The following PIWIL4 variants were observed in gnomAD, a reference collection of about 807,000 sequenced individuals.
The protein encoded by PIWIL4 is piwi like RNA-mediated gene silencing 4, also known as piwi-like protein 4.
In PIWIL4, 50 loss-of-function variants were observed where a neutral mutation model predicts 100.9. The ratio of observed to expected loss-of-function variants is 0.50; its 90% confidence interval spans 0.39 to 0.63. The LOEUF is 0.63. Among genes scored for constraint, PIWIL4 ranks in the 20% least tolerant of loss-of-function variants. The pLI, the probability that PIWIL4 is intolerant of heterozygous loss-of-function variation, is 0.00. For synonymous variants in PIWIL4, 342 were observed against 367.5 expected, an observed-to-expected ratio of 0.93 and a Z score of 0.79; for missense variants, 887 against 1,043.3, an observed-to-expected ratio of 0.85 and a Z score of 2.06.
intron 5 of PIWIL4, among the ~76,000 whole-genome samples, chr11:94,585,210 G>T (rs1380380856): frequency 6.6e-6 from 1 of 152,182 alleles, no homozygotes; most frequent in East Asian, 1.9e-4. Flanking sequence ...TGTCACTGCA[G>T]CTAAACCCAG....
intron 1 of PIWIL4, among the ~76,000 whole-genome samples, chr11:94,568,020 T>TA (rs1379428748): frequency 1.3e-5 from 2 of 151,994 alleles, no homozygotes; most frequent in Non-Finnish European, 2.9e-5. Context: ...ATTAAACTAC[T>TA]GTTTCTTGAG....
chr11:94,595,323 G>A lies in PIWIL4; in HGVS notation c.1165G>A (p.Ala389Thr), dbSNP rs1948541695. The A allele has an allele frequency of 6.2e-7, 1 of 1,613,678 alleles. No homozygotes were observed. Among genetic ancestry groups the A allele is most frequent in the African/African-American group, 1.3e-5 (1 of 75,026 alleles). ...LCFLTGLTDQ[A>T]TSDFQLMKAV... is the part of the protein sequence containing the mutation. ...GCATTTAATAGGGCTGACTGACCAG[G>A]CAACATCTGATTTCCAGCTGATGAA... is the stretch of plus-strand genomic sequence containing the variant. Residue 389 changes from alanine (A) to threonine (T), a missense_variant, in exon 10 of 20, where the codon GCA (alanine) becomes ACA (threonine). By Grantham distance (58) the Ala-to-Thr change is moderately conservative (BLOSUM62 0). This residue lies in a region of PIWIL4 where 741 missense variants were observed against 930.0 expected (regional missense o/e 0.80). Transcript: ENST00000299001.
chr11:94,608,525 CATTGGT>C (rs2135294087), intron 14 of PIWIL4, 52 bp from the exon 15 acceptor site: 1 of 1,450,430 alleles, frequency 6.9e-7, no homozygotes, highest in South Asian at 1.2e-5. Flanking sequence ...CCTATTAAAC[CATTGGT>C]AGGGGAAATG....
intron 1 of PIWIL4, among the ~76,000 whole-genome samples, chr11:94,568,324 C>A (rs1375831967): frequency 6.6e-6 from 1 of 152,024 alleles, no homozygotes; most frequent in African/African-American, 2.4e-5. Context: ...CCTGTTTTGG[C>A]CCTGTTTATT....
intron 4 of PIWIL4, 137 bp from the exon 5 acceptor site, chr11:94,583,311 G>A: frequency 3.2e-6 from 3 of 935,842 alleles, no homozygotes; most frequent in South Asian, 3.4e-5. Context: ...ATAATGTGAT[G>A]ATTAGATTAT....
intron 2 of PIWIL4, among the ~76,000 whole-genome samples, chr11:94,571,079 C>T (rs1948145188): frequency 6.6e-6 from 1 of 152,182 alleles, no homozygotes; most frequent in Non-Finnish European, 1.5e-5. Flanking sequence ...TGCTGTTCCT[C>T]ACTGGGAGTT....
chr11:94,577,883 T>C (rs1469017075), intron 4 of PIWIL4, among the ~76,000 whole-genome samples: 2 of 152,216 alleles, frequency 1.3e-5, no homozygotes, highest in Non-Finnish European at 2.9e-5. Flanking sequence ...TGATTTCCCA[T>C]TGAAACTTTT....
Position 94,621,081 on chromosome 11 carries a change from C to A in PIWIL4, c.*89C>A. On this transcript the variant is annotated 3_prime_UTR_variant, in exon 20 of 20. Transcript: ENST00000299001. ...ATCTGCCATAAGCTCAAGGCTGTGA[C>A]TGGGGAAAAAGATTGAGCTTAGTTT... The A allele has an allele frequency of 4.6e-6, 4 of 865,900 alleles. No homozygotes were observed. Among genetic ancestry groups the A allele is most frequent in the Non-Finnish European group, 7.2e-6 (4 of 551,888 alleles). The allele number at this position is 865,900 out of a possible 1,614,324, so 53.6% of individuals were successfully genotyped here.
chr11:94,569,328 G>T (rs940325931), intron 2 of PIWIL4, among the ~76,000 whole-genome samples: 2 of 151,842 alleles, frequency 1.3e-5, no homozygotes, highest in South Asian at 2.1e-4. Flanking sequence ...AGCATGTCTT[G>T]TAGCAACATG....
At chr11:94,593,451 A>ATT in intron 8 of PIWIL4, 67 bp from the exon 9 acceptor site, 2 of 1,504,500 alleles carry the variant, frequency 1.3e-6, no homozygotes, top group Non-Finnish European at 1.8e-6. Flanking sequence ...ACCTTGTTGA[A>ATT]TGTAAGGATG....
chr11:94,621,279 A>C lies in PIWIL4; in HGVS notation c.*287A>C. 1 of 306,276 alleles carries C rather than the reference A, an allele frequency of 3.3e-6. No individual in the cohort carries two copies. The highest frequency in any genetic ancestry group is 4.7e-5 in the Admixed American group (1 of 21,396). The allele number at this position is 306,276 out of a possible 1,614,324, so 19.0% of individuals were successfully genotyped here. A position where few individuals can be genotyped will look rare whatever the true frequency, so the allele number is the denominator to read the frequency against. On this transcript the variant is annotated 3_prime_UTR_variant, in exon 20 of 20. Transcript: ENST00000299001. ...CAGAGTTAAATATCTTAAGTTAAAC[A>C]CTTAAAATAAGTGTTTGCGTGATAT...
intron 12 of PIWIL4, 45 bp from the exon 13 acceptor site, chr11:94,603,939 C>G: frequency 1.6e-6 from 2 of 1,261,704 alleles, no homozygotes. Context: ...GTATGTGCTA[C>G]TAAGAAGGAA....
At chr11:94,590,236 T>C (rs1024779393) in intron 8 of PIWIL4, among the ~76,000 whole-genome samples, 6 of 152,188 alleles carry the variant, frequency 3.9e-5, no homozygotes, top group Non-Finnish European at 1.5e-5. Context: ...GCTTTAGAAG[T>C]AGTTCTAGAA....
chr11:94,608,588 G>A lies in PIWIL4; in HGVS notation c.1845G>A (p.Lys615=), dbSNP rs753717296. 5.6e-6 allele frequency: 9 copies of A among 1,613,414 alleles called. No homozygotes were observed. In the South Asian group the frequency reaches 6.6e-5, roughly 12 times the overall value. Residue 615 remains lysine, a synonymous_variant, in exon 15 of 20, where the codon AAG becomes AAA. Transcript: ENST00000299001. ...TGACAAATTTAATTTTATAGTTAAA[G>A]TCCCTGATGGTGGTCGGTATTGATG... ...GELWAVEIPL[K]SLMVVGIDVC...
chr11:94,612,762 AT>A (rs1948801302), intron 15 of PIWIL4, among the ~76,000 whole-genome samples: 1 of 152,138 alleles, frequency 6.6e-6, no homozygotes, highest in South Asian at 2.1e-4. Flanking sequence ...TCTTATGGTT[AT>A]AACAGTATAT....
chr11:94,612,790 T>A (rs1355860639), intron 15 of PIWIL4, among the ~76,000 whole-genome samples: 3 of 152,184 alleles, frequency 2.0e-5, no homozygotes, highest in Admixed American at 2.0e-4. Flanking sequence ...CTGATAACTT[T>A]ATCACATACA....
At chr11:94,609,271 A>G (rs1266780102) in intron 15 of PIWIL4, among the ~76,000 whole-genome samples, 3 of 152,254 alleles carry the variant, frequency 2.0e-5, no homozygotes, top group Non-Finnish European at 4.4e-5. Flanking sequence ...ATTTGCAGAC[A>G]TTTGACGTGG....
chr11:94,617,940 A>G lies in PIWIL4; in HGVS notation c.2015-14A>G. 1 of 1,613,076 alleles carries G rather than the reference A, an allele frequency of 6.2e-7. No homozygotes were observed. The highest frequency in any genetic ancestry group is 8.5e-7 in the Non-Finnish European group (1 of 1,179,122). ...GAAAAGTAATTCTTTTCTTACTGAC[A>G]CCAAATTCTGCAGGAGCACTCAACA... On this transcript the variant is annotated splice_polypyrimidine_tract_variant and intron_variant, in intron 16 of 19. Coordinates refer to ENST00000299001, the MANE Select transcript of PIWIL4 (RefSeq NM_152431.3).
chr11:94,592,385 A>G (rs2135268198), intron 8 of PIWIL4, among the ~76,000 whole-genome samples: 1 of 152,352 alleles, frequency 6.6e-6, no homozygotes, highest in African/African-American at 2.4e-5. Context: ...GTATTGATGC[A>G]GAAAGGCAGG....
Sources: gnomAD v4.1 joint callset for allele counts (sites outside exome capture counted in the v4.1 genomes callset) on GRCh38, gnomAD v4.1.1 for gene constraint, gnomAD v4.1.1 regional missense constraint, MANE v1.5 for transcripts, NCBI Gene and HGNC (gene_info 2026-07-23, HGNC 2026-07-21) for gene names.